Variants in ERBB2 observed in about 807,000 individuals in gnomAD.
The protein encoded by ERBB2 is erb-b2 receptor tyrosine kinase 2, also known as receptor tyrosine-protein kinase erbB-2.
A neutral mutation model predicts 149.0 loss-of-function variants in ERBB2; 61 were observed. The ratio of observed to expected loss-of-function variants is 0.41; its 90% CI spans 0.33 to 0.51. ERBB2 has a LOEUF of 0.51. Ranked by LOEUF, ERBB2 falls within the 20% of genes least tolerant of loss-of-function variation. The pLI is 0.25. For synonymous variants in ERBB2, 633 were observed against 678.8 expected, an observed-to-expected ratio of 0.93 and a Z score of 1.05; for missense variants, 1,205 against 1,655.1, an observed-to-expected ratio of 0.73 and a Z score of 4.72.
At chr17:39,701,319 A>G (rs2058093881) in intron 1 of ERBB2, among the ~76,000 whole-genome samples, 1 of 152,178 alleles carries the variant, frequency 6.6e-6, no homozygotes, top group South Asian at 2.1e-4. Context: ...TTCTGCCAGC[A>G]TTCTGGACTG....
chr17:39,688,398 C>G, intron 1 of ERBB2: 2 of 180,882 alleles, frequency 1.1e-5, no homozygotes, highest in African/African-American at 2.3e-5. Flanking sequence ...CATGTGTCGC[C>G]AAGACAGCCG....
chr17:39,725,165 G>A lies in ERBB2; in HGVS notation c.2610G>A (p.Leu870=), dbSNP rs757372006. The A allele has an allele frequency of 4.3e-5, 70 of 1,614,104 alleles. No individual in the cohort carries two copies. In the Middle Eastern group the frequency reaches 4.3e-3, roughly 99 times the overall value. Residue 870 remains leucine (L), a synonymous_variant, in exon 21 of 27, where the codon CTG becomes CTA. Transcript: ENST00000269571. The surrounding 1 kb of genome is among the most constrained non-coding windows in gnomAD (Gnocchi z 4.6). ...KITDFGLARL[L]DIDETEYHAD... ...CAGACTTCGGGCTGGCTCGGCTGCT[G>A]GACATTGACGAGACAGAGTACCATG...
chr17:39,708,309 T>A lies in ERBB2; in HGVS notation c.226-12T>A. The A allele has an allele frequency of 6.2e-7, 1 of 1,609,008 alleles. No individual in the cohort carries two copies. On this transcript the variant is annotated splice_polypyrimidine_tract_variant and intron_variant, in intron 2 of 26. Transcript: ENST00000269571. ...GTTCCTATTTCAGCCCCACTCTGCT[T>A]CCCCCTCCCAGGATATCCAGGAGGT...
rs1283152924 is a variant in ERBB2, at chr17:39,726,841, C to T, written c.2997C>T (p.Pro999=). 6.2e-7 allele frequency: 1 copy of T among 1,613,032 alleles called. No individual in the cohort carries two copies. Among genetic ancestry groups the T allele is most frequent in the African/African-American group, 1.3e-5 (1 of 74,940 alleles). Residue 999 remains proline (P), a synonymous_variant, in exon 25 of 27, where the codon CCC becomes CCT. Coordinates refer to ENST00000269571, the MANE Select transcript of ERBB2 (RefSeq NM_004448.4). This position sits in a 1 kb window ranked among gnomAD's most constrained non-coding sequence, Gnocchi z 5.1. ...ATGAGGACTTGGGCCCAGCCAGTCC[C>T]TTGGACAGCACCTTCTACCGCTCAC... ...IQNEDLGPAS[P]LDSTFYRSLL... is the part of the protein sequence containing the mutation.
At chr17:39,724,082 C>G in intron 19 of ERBB2, 72 bp downstream of exon 19, 1 of 1,113,354 alleles carries the variant, frequency 9.0e-7, no homozygotes, top group Non-Finnish European at 1.3e-6. Flanking sequence ...GCTCTGGTCT[C>G]TCTTCATTGG....
intron 1 of ERBB2, among the ~76,000 whole-genome samples, chr17:39,700,930 G>T (rs192962767): frequency 1.3e-5 from 2 of 151,776 alleles, no homozygotes; most frequent in Admixed American, 1.3e-4. Flanking sequence ...TGGGTTGGGG[G>T]CGGGGGAGAC....
intron 14 of ERBB2, 79 bp from the exon 15 acceptor site, chr17:39,717,241 G>A (rs868587236): frequency 5.3e-5 from 66 of 1,254,518 alleles, no homozygotes; most frequent in Admixed American, 1.6e-4. Flanking sequence ...AGCACAAAGG[G>A]GACCCAACTA....
chr17:39,694,532 G>A (rs1408314552), upstream of ERBB2: 1 of 151,332 alleles, frequency 6.6e-6, no homozygotes, highest in Admixed American at 6.6e-5. Flanking sequence ...ATCAAAAAGA[G>A]GAGTTGATAG....
At chr17:39,712,113 GC>G in intron 8 of ERBB2, 66 bp downstream of exon 8, 1 of 1,610,288 alleles carries the variant, frequency 6.2e-7, no homozygotes, top group Non-Finnish European at 8.5e-7. Flanking sequence ...GCCTGGCCCA[GC>G]CCACCCTGTC....
rs1032599399 is a variant in ERBB2 at position 39,709,962 on chromosome 17, G to A, written c.643+81G>A. ...TGCAGGTGTCATACAGGTGACATGG[G>A]AGGGGTGGGATAACAGGCTTGGGAT... On this transcript the variant is annotated intron_variant, in intron 5 of 26. Transcript: ENST00000269571. 4 of 1,502,072 alleles carry A rather than the reference G, an allele frequency of 2.7e-6. No homozygotes were observed. The African/African-American group carries it at 5.5e-5, about 21-fold the overall frequency. The allele number at this position is 1,502,072 out of a possible 1,614,324, so 93.0% of individuals were successfully genotyped here. A position where few individuals can be genotyped will look rare whatever the true frequency, so the allele number is the denominator to read the frequency against.
At position 39,726,673 on chromosome 17, in the gene ERBB2, GTGCCCCATCCC is replaced by G. The variant is rs772004015; in HGVS notation, c.2970+19_2970+29del. The G allele has an allele frequency of 1.1e-5, 17 of 1,612,438 alleles. No individual in the cohort carries two copies. In the African/African-American group the frequency reaches 2.3e-4, roughly 22 times the overall value. On this transcript the variant is annotated intron_variant, in intron 24 of 26. Transcript: ENST00000269571. The surrounding 1 kb of genome is among the most constrained non-coding windows in gnomAD (Gnocchi z 5.1). ...GTGGTCATCCAGGTACTGGGCCTCTGTGCCCCATCCCTGCCTGTGGCTAAGAGCACCCTCCT... is the reference window on the plus strand; with the variant it reads ...GTGGTCATCCAGGTACTGGGCCTCTGTGCCTGTGGCTAAGAGCACCCTCCT...
upstream of ERBB2, among the ~76,000 whole-genome samples, chr17:39,694,249 A>ATGTG (rs1351909343): frequency 0.027 from 933 of 34,420 alleles, 70 homozygotes; most frequent in Non-Finnish European, 0.049. Flanking sequence ...ATATATATAT[A>ATGTG]TATATATATA....
chr17:39,725,289 A>G lies in ERBB2; in HGVS notation c.2650-38A>G. 1 of 1,613,552 alleles carries G rather than the reference A, an allele frequency of 6.2e-7. No homozygotes were observed. The highest frequency in any genetic ancestry group is 8.5e-7 in the Non-Finnish European group (1 of 1,179,578). On this transcript the variant is annotated intron_variant, in intron 21 of 26. Coordinates refer to ENST00000269571, the MANE Select transcript of ERBB2 (RefSeq NM_004448.4). The surrounding 1 kb of genome is among the most constrained non-coding windows in gnomAD (Gnocchi z 4.6). Reference sequence around the variant, plus strand: ...GAACTCTGAGTGGCCACCTCCCCACAACACACAGTTGGAGGACTTCCTCTT... The same window carrying G: ...GAACTCTGAGTGGCCACCTCCCCACGACACACAGTTGGAGGACTTCCTCTT...
intron 2 of ERBB2, 30 bp downstream of exon 2, chr17:39,707,171 C>G (rs770279585): frequency 4.0e-6 from 6 of 1,518,096 alleles, no homozygotes; most frequent in Admixed American, 2.0e-5. Context: ...CAGCCAGGCC[C>G]TGCCTCCAGC....
upstream of ERBB2, chr17:39,699,861 G>A (rs1301428084): frequency 1.3e-5 from 8 of 606,248 alleles, no homozygotes; most frequent in East Asian, 2.6e-4. Context: ...CAACCCAGGC[G>A]TCCCGGCGCT....
At chr17:39,694,308 TATATATACACACACAC>T (rs1173699319), upstream of ERBB2, among the ~76,000 whole-genome samples, 14 of 120,908 alleles carry the variant, frequency 1.2e-4, no homozygotes, top group African/African-American at 4.3e-4. Context: ...TATGTGTATA[TATATATACACACACAC>T]ATATATATGT....
At chr17:39,712,695 C>T (rs1409592722) in intron 9 of ERBB2, among the ~76,000 whole-genome samples, 2 of 152,158 alleles carry the variant, frequency 1.3e-5, no homozygotes, top group South Asian at 2.1e-4. Context: ...GTAAAATTCC[C>T]TTTGAGTTCA....
chr17:39,724,159 C>G (rs2059602434), intron 19 of ERBB2, 149 bp downstream of exon 19: 1 of 608,230 alleles, frequency 1.6e-6, no homozygotes, highest in Non-Finnish European at 2.9e-6. Context: ...TGCTCTGTCA[C>G]CCAGGCTGGA....
rs1342771260 is a variant in ERBB2 at position 39,727,575 on chromosome 17, C to G, written c.3412+28C>G. The G allele has an allele frequency of 6.3e-7, 1 of 1,585,396 alleles. No individual in the cohort carries two copies. Among genetic ancestry groups the G allele is most frequent in the Non-Finnish European group, 8.5e-7 (1 of 1,172,510 alleles). On this transcript the variant is annotated intron_variant, in intron 26 of 26. Transcript: ENST00000269571. The surrounding 1 kb of genome is among the most constrained non-coding windows in gnomAD (Gnocchi z 4.3). ...ATGGAGTCCAGTCTAAGCAGAGAGACTGATGGGCAGGGGAGGTGGGACCTT... is the reference window on the plus strand; with the variant it reads ...ATGGAGTCCAGTCTAAGCAGAGAGAGTGATGGGCAGGGGAGGTGGGACCTT...
Sources: gnomAD v4.1 joint callset for allele counts (sites outside exome capture counted in the v4.1 genomes callset) on GRCh38, gnomAD v4.1.1 for gene constraint, Gnocchi (gnomAD v3.1) non-coding constraint, MANE v1.5 for transcripts, NCBI Gene and HGNC (gene_info 2026-07-23, HGNC 2026-07-21) for gene names.